Variants in RALGPS1 observed in about 807,000 individuals in gnomAD.
RALGPS1 encodes the protein Ral GEF with PH domain and SH3 binding motif 1.
RALGPS1 carries 19 observed loss-of-function variants against 78.8 expected under a neutral mutation model. The ratio of observed to expected loss-of-function variants is 0.24; its 90% CI spans 0.17 to 0.35. The LOEUF is 0.35. Ranked by LOEUF, RALGPS1 falls within the 10% of genes least tolerant of loss-of-function variation. The pLI is 1.00. For synonymous variants in RALGPS1, 228 were observed against 256.3 expected (o/e 0.89, Z 1.06); for missense variants, 454 against 688.3 (o/e 0.66, Z 3.81).
At chr9:127,141,332 T>C (rs115629593) in intron 8 of RALGPS1, among the ~76,000 whole-genome samples, 196 of 152,256 alleles carry the variant, frequency 1.3e-3, no homozygotes, top group African/African-American at 4.6e-3. Flanking sequence ...CAAACTGAAA[T>C]TCCTGCCTAC....
At chr9:126,950,842 A>AC (rs947952758) in intron 1 of RALGPS1, among the ~76,000 whole-genome samples, 14 of 80,284 alleles carry the variant, frequency 1.7e-4, no homozygotes, top group Admixed American at 9.0e-4. Context: ...AAATAGAGAC[A>AC]AAAAAAAAAC....
chr9:126,939,990 C>T (rs185825741), intron 1 of RALGPS1, among the ~76,000 whole-genome samples: 128 of 152,318 alleles, frequency 8.4e-4, no homozygotes, highest in African/African-American at 3.0e-3. Flanking sequence ...CGAGGAGGTA[C>T]TAGTTCAGTC....
intron 8 of RALGPS1, among the ~76,000 whole-genome samples, chr9:127,097,421 C>T (rs531856562): frequency 6.6e-6 from 1 of 152,360 alleles, no homozygotes; most frequent in South Asian, 2.1e-4. Context: ...AATCAGGCCC[C>T]ATTAGCTTCC....
chr9:127,116,694 G>A (rs747913959), intron 8 of RALGPS1, among the ~76,000 whole-genome samples: 1 of 152,208 alleles, frequency 6.6e-6, no homozygotes, highest in Non-Finnish European at 1.5e-5. Flanking sequence ...GGACCAGGCT[G>A]AGAAGTTGGC....
chr9:127,163,671 A>G (rs1156606009), intron 8 of RALGPS1, among the ~76,000 whole-genome samples: 4 of 152,174 alleles, frequency 2.6e-5, no homozygotes, highest in Non-Finnish European at 2.9e-5. Flanking sequence ...TGTCTCTTTC[A>G]TTTACCAGCT....
intron 8 of RALGPS1, among the ~76,000 whole-genome samples, chr9:127,159,071 T>C (rs190826500): frequency 1.1e-4 from 16 of 152,302 alleles, no homozygotes; most frequent in Admixed American, 3.3e-4. Flanking sequence ...CCAATTGTCA[T>C]TGAAGGGTTA....
intron 8 of RALGPS1, among the ~76,000 whole-genome samples, chr9:127,124,892 C>T (rs1277746961): frequency 6.6e-6 from 1 of 152,210 alleles, no homozygotes; most frequent in Non-Finnish European, 1.5e-5. Context: ...CCAGCACAAG[C>T]CCCTTGGTTA....
chr9:126,922,114 G>A (rs530721613), intron 1 of RALGPS1, among the ~76,000 whole-genome samples: 3 of 152,312 alleles, frequency 2.0e-5, no homozygotes, highest in Non-Finnish European at 2.9e-5. Flanking sequence ...CATTCTGGGC[G>A]CGTTTGTCTC....
At chr9:126,986,955 C>T (rs1165620980) in intron 4 of RALGPS1, among the ~76,000 whole-genome samples, 2 of 152,128 alleles carry the variant, frequency 1.3e-5, no homozygotes, top group Non-Finnish European at 2.9e-5. Flanking sequence ...CATGTAAGAA[C>T]TTAGCGCGGT....
chr9:126,957,936 A>G (rs2131980365), intron 1 of RALGPS1, among the ~76,000 whole-genome samples: 1 of 151,934 alleles, frequency 6.6e-6, no homozygotes, highest in Non-Finnish European at 1.5e-5. Flanking sequence ...CCCAGCCTCA[A>G]GACTAGCCTG....
chr9:127,172,551 G>A lies in RALGPS1; in HGVS notation c.843-2164G>A, dbSNP rs1315496169. ...TCTCTTCCAGGGATTCCAGGAATCCGTCCGTGTTGGATGCTCTCTGCCCGT... is the reference window on the plus strand; with the variant it reads ...TCTCTTCCAGGGATTCCAGGAATCCATCCGTGTTGGATGCTCTCTGCCCGT... On this transcript the variant is annotated intron_variant, in intron 10 of 18. Transcript: ENST00000259351. Among the ~76,000 whole-genome samples the A allele has an allele frequency of 5.9e-5, 9 of 152,264 alleles. 1 individual carries two copies. Among genetic ancestry groups the A allele is most frequent in the Middle Eastern group, 6.8e-3 (2 of 294 alleles).
chr9:126,976,316 C>CACAT lies in RALGPS1; in HGVS notation c.166-1376_166-1375insTACA, dbSNP rs1212926040. Among the ~76,000 whole-genome samples the CACAT allele has an allele frequency of 2.1e-5, 3 of 142,720 alleles. No individual in the cohort carries two copies. The East Asian group carries it at 5.9e-4, about 28-fold the overall frequency. The allele number at this position is 142,720 out of a possible 152,430, so 93.6% of individuals were successfully genotyped here. On this transcript the variant is annotated intron_variant, in intron 3 of 18. Transcript: ENST00000259351. ...CCCTTACACTCAACACTCATTCTCACACACACACACACACACTTTCATATA... is the reference window on the plus strand; with the variant it reads ...CCCTTACACTCAACACTCATTCTCACACATACACACACACACACACTTTCATATA...
chr9:127,088,518 T>A (rs2052044352), intron 8 of RALGPS1: 1 of 185,850 alleles, frequency 5.4e-6, no homozygotes, highest in Non-Finnish European at 1.1e-5. Context: ...TATTTAGGTA[T>A]CTAAGGCAAA....
intron 8 of RALGPS1, among the ~76,000 whole-genome samples, chr9:127,125,430 C>T (rs1219751274): frequency 2.0e-5 from 3 of 152,308 alleles, no homozygotes; most frequent in Middle Eastern, 3.4e-3. Flanking sequence ...TCACTAATCT[C>T]GGGCAACTTT....
At chr9:127,057,943 ATGAC>A (rs2048880925) in intron 7 of RALGPS1, among the ~76,000 whole-genome samples, 1 of 152,246 alleles carries the variant, frequency 6.6e-6, no homozygotes, top group African/African-American at 2.4e-5. Context: ...ATGACAGAGA[ATGAC>A]TGAGTGTCTG....
chr9:127,044,422 A>G (rs1011469258), intron 5 of RALGPS1, among the ~76,000 whole-genome samples: 16 of 152,082 alleles, frequency 1.1e-4, no homozygotes, highest in Middle Eastern at 6.8e-3. Flanking sequence ...ATACCTGGCT[A>G]ATTTTGTATT....
intron 4 of RALGPS1, among the ~76,000 whole-genome samples, chr9:126,982,840 C>CTTT (rs1554774354): frequency 8.2e-6 from 1 of 121,628 alleles, no homozygotes; most frequent in Non-Finnish European, 1.9e-5. Context: ...TCTTCTTCTT[C>CTTT]CTTCTTTCTT....
At chr9:126,920,453 A>G (rs912826105) in intron 1 of RALGPS1, among the ~76,000 whole-genome samples, 34 of 152,140 alleles carry the variant, frequency 2.2e-4, no homozygotes, top group African/African-American at 8.2e-4. Flanking sequence ...AAAAATGGAC[A>G]AGTCTGGAAT....
At position 127,091,627 on chromosome 9, in the gene RALGPS1, C is replaced by A. The variant is rs1564559672; in HGVS notation, c.610+22271C>A. ...CAGGGGCTCTGGCTCTGGTTGACCTCTTTTCCCTACCCTGCACCTGGGTTT... is the reference window on the plus strand; with the variant it reads ...CAGGGGCTCTGGCTCTGGTTGACCTATTTTCCCTACCCTGCACCTGGGTTT... On this transcript the variant is annotated intron_variant, in intron 8 of 18. Coordinates refer to ENST00000259351, the MANE Select transcript of RALGPS1 (RefSeq NM_014636.3). This position sits in a 1 kb window ranked among gnomAD's most constrained non-coding sequence, Gnocchi z 4.3. 6.3e-7 allele frequency: 1 copy of A among 1,592,370 alleles called. No individual in the cohort carries two copies.
Sources: gnomAD v4.1 joint callset for allele counts (sites outside exome capture counted in the v4.1 genomes callset) on GRCh38, gnomAD v4.1.1 for gene constraint, Gnocchi (gnomAD v3.1) non-coding constraint, MANE v1.5 for transcripts, NCBI Gene and HGNC (gene_info 2026-07-23, HGNC 2026-07-21) for gene names.